The following MTCL2 variants were observed in gnomAD, a reference collection of about 807,000 sequenced individuals.
The protein encoded by MTCL2 is microtubule cross-linking factor 2.
At chr20:36,796,793 G>A in the MTCL2 span, 2 of 1,287,712 alleles carry the variant, frequency 1.6e-6, no homozygotes, top group African/African-American at 1.4e-5. Context: ...AAAGCAGGTA[G>A]AGTGGGTGCA....
At chr20:36,857,252 A>AG in the MTCL2 span, among the ~76,000 whole-genome samples, 4 of 152,022 alleles carry the variant, frequency 2.6e-5, no homozygotes, top group African/African-American at 9.7e-5. Flanking sequence ...GGGTGTGTCT[A>AG]GGGGTGTAAG....
chr20:36,788,870 G>C, the MTCL2 span, among the ~76,000 whole-genome samples: 11 of 147,876 alleles, frequency 7.4e-5, no homozygotes, highest in Admixed American at 4.1e-4. Context: ...GCAATGATGC[G>C]ATCTCAGCTC....
At chr20:36,777,619 G>C in the MTCL2 span, 1 of 464,566 alleles carries the variant, frequency 2.2e-6, no homozygotes, top group African/African-American at 2.0e-5. Flanking sequence ...TTTGAAGACA[G>C]AAGTGGAAAG....
chr20:36,806,730 G>A, the MTCL2 span, among the ~76,000 whole-genome samples: 1 of 152,118 alleles, frequency 6.6e-6, no homozygotes, highest in South Asian at 2.1e-4. Flanking sequence ...ACGTTGACCA[G>A]ACTGGTCTCG....
At chr20:36,799,316 C>T in the MTCL2 span, among the ~76,000 whole-genome samples, 5 of 152,022 alleles carry the variant, frequency 3.3e-5, no homozygotes, top group Admixed American at 2.0e-4. Context: ...CATGGAGAAA[C>T]CCTGTCTCTA....
chr20:36,859,902 C>G, the MTCL2 span: 1 of 1,231,138 alleles, frequency 8.1e-7, no homozygotes, highest in Non-Finnish European at 1.0e-6. Flanking sequence ...TACTCCAAGC[C>G]CTGGCAGCCT....
the MTCL2 span, chr20:36,863,293 C>A: frequency 2.5e-6 from 3 of 1,188,188 alleles, no homozygotes; most frequent in Non-Finnish European, 3.1e-6. This position sits in a 1 kb window ranked among gnomAD's most constrained non-coding sequence, Gnocchi z 6.2. Context: ...GGTGCAGGCG[C>A]GGGCTGGGGA....
chr20:36,824,966 GTC>G, the MTCL2 span, among the ~76,000 whole-genome samples: 2 of 148,094 alleles, frequency 1.4e-5, no homozygotes, highest in African/African-American at 5.0e-5. Flanking sequence ...TTGAGACAGA[GTC>G]TCGCTTTGTT....
At chr20:36,804,777 G>C in the MTCL2 span, 1 of 1,613,976 alleles carries the variant, frequency 6.2e-7, no homozygotes, top group Non-Finnish European at 8.5e-7. Flanking sequence ...CTGTCTCCCA[G>C]GTAGCCTTGG....
At chr20:36,787,366 T>C in the MTCL2 span, among the ~76,000 whole-genome samples, 1 of 152,056 alleles carries the variant, frequency 6.6e-6, no homozygotes, top group African/African-American at 2.4e-5. Context: ...TAGCTAAGAT[T>C]ACAAGCGTGT....
chr20:36,854,163 T>G, the MTCL2 span, among the ~76,000 whole-genome samples: 1 of 152,256 alleles, frequency 6.6e-6, no homozygotes, highest in East Asian at 1.9e-4. Context: ...ACCCCAGTCT[T>G]GCCTCTTGCC....
the MTCL2 span, among the ~76,000 whole-genome samples, chr20:36,855,173 A>G: frequency 3.3e-5 from 5 of 152,162 alleles, no homozygotes; most frequent in Non-Finnish European, 7.4e-5. Flanking sequence ...GGCTAATGGG[A>G]CCCACACCTG....
chr20:36,801,185 C>T, the MTCL2 span, among the ~76,000 whole-genome samples: 2 of 152,106 alleles, frequency 1.3e-5, no homozygotes, highest in Admixed American at 6.5e-5. Flanking sequence ...GGACTACAGG[C>T]ACACATTGCC....
chr20:36,851,852 C>A, the MTCL2 span, among the ~76,000 whole-genome samples: 3,817 of 152,198 alleles, frequency 0.025, 145 homozygotes, highest in African/African-American at 0.086. Flanking sequence ...AATACACAGG[C>A]CCTCAGAGGG....
chr20:36,783,684 A>T, the MTCL2 span: 8 of 850,368 alleles, frequency 9.4e-6, no homozygotes, highest in Non-Finnish European at 1.1e-5. Flanking sequence ...CCAATTCTCC[A>T]GGGAATCCCC....
At chr20:36,808,851 G>A in the MTCL2 span, 1 of 955,742 alleles carries the variant, frequency 1.0e-6, no homozygotes, top group Non-Finnish European at 1.5e-6. Flanking sequence ...GTGCCTGTGA[G>A]TGATCCCTGC....
the MTCL2 span, chr20:36,797,090 T>C: frequency 2.5e-6 from 2 of 793,850 alleles, no homozygotes; most frequent in Admixed American, 2.1e-5. Context: ...TGATCTAGCA[T>C]GGTCAGTTTC....
chr20:36,855,522 C>T, the MTCL2 span, among the ~76,000 whole-genome samples: 3 of 152,188 alleles, frequency 2.0e-5, no homozygotes, highest in Non-Finnish European at 4.4e-5. Context: ...CCTTCCGGCA[C>T]CAAGGGGAGT....
the MTCL2 span, among the ~76,000 whole-genome samples, chr20:36,849,300 C>G: frequency 6.6e-6 from 1 of 151,768 alleles, no homozygotes; most frequent in African/African-American, 2.4e-5. Context: ...GACAGGTAAT[C>G]CACCCGCCTC....
Sources: gnomAD v4.1 joint callset for allele counts (sites outside exome capture counted in the v4.1 genomes callset) on GRCh38, gnomAD v4.1.1 for gene constraint, Gnocchi (gnomAD v3.1) non-coding constraint, MANE v1.5 for transcripts, NCBI Gene and HGNC (gene_info 2026-07-23, HGNC 2026-07-21) for gene names.